ATPAF2: variants seen among roughly 807,000 people sequenced by gnomAD.
The protein encoded by ATPAF2 is ATP synthase mitochondrial F1 complex assembly factor 2.
In ATPAF2, 30 loss-of-function variants were observed where a neutral mutation model predicts 36.6. The ratio of observed to expected loss-of-function variants is 0.82; its 90% confidence interval spans 0.61 to 1.11. ATPAF2 has a LOEUF of 1.11. ATPAF2 is among the 50% of genes most tolerant of loss of function. The pLI is 0.00. For missense variants in ATPAF2, 321 were observed against 372.3 expected, an observed-to-expected ratio of 0.86 and a Z score of 1.13; for synonymous variants, 140 against 152.6, an observed-to-expected ratio of 0.92 and a Z score of 0.61.
downstream of ATPAF2, among the ~76,000 whole-genome samples, chr17:18,017,171 CAAAAAAAAAAAAAAAAAAAA>C (rs59274380): frequency 2.1e-4 from 9 of 43,644 alleles, 1 homozygote; most frequent in Admixed American, 1.4e-3. Flanking sequence ...GACTTCGTCT[CAAAAAAAAAAAAAAAAAAAA>C]AAAAAAAAAA....
chr17:18,025,051 T>C, intron 4 of ATPAF2: 1 of 373,338 alleles, frequency 2.7e-6, no homozygotes, highest in Non-Finnish European at 5.1e-6. Flanking sequence ...AGGTCCAAGC[T>C]TGCCACACTG....
intron 1 of ATPAF2, 138 bp from the exon 2 acceptor site, chr17:18,028,797 A>G: frequency 3.6e-6 from 3 of 826,236 alleles, no homozygotes; most frequent in Non-Finnish European, 6.2e-6. Context: ...GGTCTGCCCT[A>G]CTCAACACGG....
At chr17:18,028,172 T>C in intron 3 of ATPAF2, 60 bp downstream of exon 3, 1 of 1,610,330 alleles carries the variant, frequency 6.2e-7, no homozygotes, top group South Asian at 1.1e-5. Flanking sequence ...TGGTAAAGGG[T>C]CTACCCTACG....
In ATPAF2 at chr17:18,028,603, T is replaced by A. The variant is rs1176608709; in HGVS notation, c.178+12A>T. On this transcript the variant is annotated intron_variant, in intron 2 of 7. Coordinates refer to ENST00000474627, the MANE Select transcript of ATPAF2 (RefSeq NM_145691.4). ...AAAAAAAAAAGAGGCAGTCAAAATT[T>A]CAGACACTCACCTTCACCCTGTGTG... 6.2e-7 allele frequency: 1 copy of A among 1,601,010 alleles called. No individual in the cohort carries two copies. The highest frequency in any genetic ancestry group is 2.2e-5 in the East Asian group (1 of 44,736).
At chr17:18,028,973 C>G (rs1002245544) in intron 1 of ATPAF2, among the ~76,000 whole-genome samples, 1 of 152,180 alleles carries the variant, frequency 6.6e-6, no homozygotes, top group Non-Finnish European at 1.5e-5. Context: ...ACCACCAGTG[C>G]CACCTCATGC....
At chr17:18,036,263 AG>A (rs2044701093) in intron 1 of ATPAF2, among the ~76,000 whole-genome samples, 1 of 152,058 alleles carries the variant, frequency 6.6e-6, no homozygotes, top group Admixed American at 6.6e-5. Flanking sequence ...ACAACTGGTA[AG>A]GTCTTTAGAG....
At chr17:18,026,183 G>C in intron 4 of ATPAF2, 136 bp downstream of exon 4, 2 of 845,558 alleles carry the variant, frequency 2.4e-6, no homozygotes, top group Admixed American at 1.9e-5. Flanking sequence ...GAGCAGCCAA[G>C]TGCCAAAGTC....
chr17:18,029,317 G>A (rs2044593575), intron 1 of ATPAF2, among the ~76,000 whole-genome samples: 1 of 152,172 alleles, frequency 6.6e-6, no homozygotes, highest in Admixed American at 6.5e-5. Context: ...TTTTACCCTG[G>A]AGGGATTAAC....
chr17:18,020,929 G>C, intron 7 of ATPAF2, 194 bp downstream of exon 7: 6 of 1,374,236 alleles, frequency 4.4e-6, no homozygotes, highest in Non-Finnish European at 5.7e-6. Context: ...CCAAAGTGCT[G>C]GGATTACAGG....
chr17:18,015,549 A>G (rs2044328802), downstream of ATPAF2: 2 of 153,858 alleles, frequency 1.3e-5, no homozygotes, highest in African/African-American at 4.8e-5. Context: ...AGGATACTCC[A>G]AATGGAATCC....
downstream of ATPAF2, chr17:18,016,020 TATA>T (rs746343334): frequency 2.5e-6 from 4 of 1,606,362 alleles, no homozygotes; most frequent in South Asian, 2.2e-5. Flanking sequence ...GTGTTCACGG[TATA>T]ATGACACACA....
chr17:18,017,716 A>C (rs1455341299), downstream of ATPAF2, among the ~76,000 whole-genome samples: 1 of 152,136 alleles, frequency 6.6e-6, no homozygotes, highest in Non-Finnish European at 1.5e-5. Flanking sequence ...CCATTACCTT[A>C]CTCAGGCTGG....
At chr17:18,027,771 T>C (rs1225124975) in intron 3 of ATPAF2, among the ~76,000 whole-genome samples, 1 of 152,242 alleles carries the variant, frequency 6.6e-6, no homozygotes, top group East Asian at 1.9e-4. Flanking sequence ...AACTAATATT[T>C]ACTGAGTACC....
At chr17:18,020,746 C>T (rs8079418) in intron 7 of ATPAF2, 105,326 of 192,176 alleles carry the variant, frequency 0.55, 32,684 homozygotes, top group East Asian at 0.93. Context: ...TGGCACAATC[C>T]TGGCTCACTA....
intron 5 of ATPAF2, among the ~76,000 whole-genome samples, chr17:18,024,238 A>C (rs1305387854): frequency 6.6e-6 from 1 of 152,196 alleles, no homozygotes; most frequent in Non-Finnish European, 1.5e-5. Flanking sequence ...AGAAAATTGA[A>C]GCTCAGAGAG....
chr17:18,024,245 A>G (rs1323877672), intron 5 of ATPAF2, among the ~76,000 whole-genome samples: 1 of 152,210 alleles, frequency 6.6e-6, no homozygotes, highest in East Asian at 1.9e-4. Context: ...TGAAGCTCAG[A>G]GAGATCAACT....
intron 1 of ATPAF2, among the ~76,000 whole-genome samples, chr17:18,029,868 G>A (rs1214666969): frequency 9.1e-6 from 1 of 109,782 alleles, no homozygotes; most frequent in Non-Finnish European, 1.7e-5. Flanking sequence ...CAAATAGTTT[G>A]CCTTTAACGC....
chr17:18,018,551 A>G lies in ATPAF2; in HGVS notation c.868T>C (p.Ter290ArgextTer10), dbSNP rs550175976. The change falls in exon 8 of 8, where the codon TGA (stop) becomes CGA (arginine). Residue 290 changes from the stop codon to arginine, a stop_lost. Transcript: ENST00000474627. Reference protein sequence around the residue: ...TTVKHKLLKE* With the variant: ...TTVKHKLLKER ...GCTGAGTGTGCTCTGCCCAGGCCTCACTCCTTCAGGAGCTTGTGCTTGACT... is the reference window on the plus strand; with the variant it reads ...GCTGAGTGTGCTCTGCCCAGGCCTCGCTCCTTCAGGAGCTTGTGCTTGACT... 8.7e-6 allele frequency: 14 copies of G among 1,613,212 alleles called. 1 individual carries two copies. In the East Asian group the frequency reaches 3.1e-4, roughly 36 times the overall value.
At chr17:18,034,314 A>G (rs2044675305) in intron 1 of ATPAF2, among the ~76,000 whole-genome samples, 1 of 152,122 alleles carries the variant, frequency 6.6e-6, no homozygotes, top group South Asian at 2.1e-4. Context: ...CTGAGGTGTG[A>G]GGCTCGCTTG....
Sources: allele counts gnomAD v4.1 joint callset (sites outside exome capture counted in the v4.1 genomes callset), GRCh38; gene constraint gnomAD v4.1.1; transcripts MANE v1.5; gene names NCBI Gene and HGNC (gene_info 2026-07-23, HGNC 2026-07-21).